ANKRD30A: variants seen among roughly 807,000 people sequenced by gnomAD.
ANKRD30A encodes the protein ankyrin repeat domain 30A.
ANKRD30A carries 170 observed loss-of-function variants against 166.3 expected under a neutral mutation model. The observed-to-expected ratio is 1.02, with a 90% CI of 0.90 to 1.16. The LOEUF is 1.16. Among genes scored for constraint, ANKRD30A ranks in the 50% most tolerant of loss-of-function variants. The pLI is 0.00. For synonymous variants in ANKRD30A, 564 were observed against 508.9 expected (o/e 1.11, Z -1.46); for missense variants, 1,630 against 1,518.0 (o/e 1.07, Z -1.23).
chr10:37,142,568 C>T (rs979102033), intron 7 of ANKRD30A, among the ~76,000 whole-genome samples: 36 of 131,996 alleles, frequency 2.7e-4, no homozygotes, highest in Middle Eastern at 3.9e-3. Context: ...CATAGGATCA[C>T]ACTTTTTTTT....
chr10:37,160,823 G>T lies in ANKRD30A; in HGVS notation c.1901-1826G>T, dbSNP rs187945482. Among the ~76,000 whole-genome samples, 25 of 152,254 alleles carry T rather than the reference G, an allele frequency of 1.6e-4. No homozygotes were observed. The East Asian group carries it at 4.8e-3, about 29-fold the overall frequency. On this transcript the variant is annotated intron_variant, in intron 15 of 35. Transcript: ENST00000361713. ...AAATTCTCCACGGCTTCACATGCTA[G>T]TTCAGAAGATATTGATGCCTTGAGA...
the ANKRD30A span, among the ~76,000 whole-genome samples, chr10:37,240,212 C>A: frequency 6.6e-6 from 1 of 151,960 alleles, no homozygotes; most frequent in African/African-American, 2.4e-5. Context: ...TGTCATGTTC[C>A]ATATATTTAG....
intron 34 of ANKRD30A, among the ~76,000 whole-genome samples, chr10:37,228,536 T>C (rs2132762547): frequency 6.6e-6 from 1 of 152,140 alleles, no homozygotes; most frequent in Non-Finnish European, 1.5e-5. Context: ...TCAGATAACA[T>C]CTGATTTTGA....
intron 1 of ANKRD30A, among the ~76,000 whole-genome samples, chr10:37,128,700 T>C (rs1377339245): frequency 6.6e-6 from 1 of 152,078 alleles, no homozygotes. Flanking sequence ...TTCTATTAAC[T>C]CTCAGGACCC....
chr10:37,250,642 C>G, the ANKRD30A span, among the ~76,000 whole-genome samples: 1 of 152,130 alleles, frequency 6.6e-6, no homozygotes, highest in Admixed American at 6.5e-5. Flanking sequence ...GAGGGCAAAC[C>G]TCTCACAAAT....
chr10:37,242,410 AT>A, the ANKRD30A span, among the ~76,000 whole-genome samples: 1 of 151,964 alleles, frequency 6.6e-6, no homozygotes, highest in African/African-American at 2.4e-5. Flanking sequence ...CTGTCATGTT[AT>A]TTTTTCACTT....
At chr10:37,126,953 G>A (rs1487745620) in intron 1 of ANKRD30A, among the ~76,000 whole-genome samples, 1 of 148,776 alleles carries the variant, frequency 6.7e-6, no homozygotes, top group Admixed American at 6.8e-5. Context: ...AGGCTGAGGC[G>A]GGAGAATCGC....
chr10:37,205,079 C>T (rs1415654651), intron 31 of ANKRD30A, among the ~76,000 whole-genome samples: 2 of 152,098 alleles, frequency 1.3e-5, no homozygotes, highest in African/African-American at 4.8e-5. Flanking sequence ...TACCATTTGA[C>T]CCAGGGATCC....
chr10:37,213,120 A>G (rs1842422826), intron 31 of ANKRD30A, among the ~76,000 whole-genome samples: 1 of 151,688 alleles, frequency 6.6e-6, no homozygotes, highest in Admixed American at 6.6e-5. Context: ...TTTGCGTTTT[A>G]TTCGTTCCAT....
chr10:37,219,610 CACATGTATCAAAACGAACAAGA>C lies in ANKRD30A; in HGVS notation c.3899_3920del (p.His1300LeufsTer3). The C allele has an allele frequency of 6.2e-7, 1 of 1,610,172 alleles. No homozygotes were observed. The highest frequency in any genetic ancestry group is 8.5e-7 in the Non-Finnish European group (1 of 1,177,616). Reference sequence around the variant, plus strand: ...ACAGTGTCAAATGAAGGAAGCTGAACACATGTATCAAAACGAACAAGATAATGTGAACAAACACACTGAACAG... The same window carrying C: ...ACAGTGTCAAATGAAGGAAGCTGAACTAATGTGAACAAACACACTGAACAG... On this transcript the variant is annotated frameshift_variant, in exon 34 of 36. Transcript: ENST00000361713. LOFTEE classifies it high-confidence loss of function.
At chr10:37,160,069 G>A (rs916710255) in intron 15 of ANKRD30A, among the ~76,000 whole-genome samples, 1 of 152,210 alleles carries the variant, frequency 6.6e-6, no homozygotes, top group East Asian at 1.9e-4. Flanking sequence ...TTTGCTTATC[G>A]AATATTTTAG....
chr10:37,218,802 A>G (rs2132740945), intron 33 of ANKRD30A, among the ~76,000 whole-genome samples, 178 bp from the exon 34 acceptor site: 1 of 150,906 alleles, frequency 6.6e-6, no homozygotes, highest in East Asian at 2.0e-4. Context: ...AAATGTTTGA[A>G]CTTTGGGGAA....
chr10:37,178,008 G>T (rs1284804784), intron 24 of ANKRD30A, among the ~76,000 whole-genome samples: 1 of 150,772 alleles, frequency 6.6e-6, no homozygotes, highest in African/African-American at 2.4e-5. Flanking sequence ...GAGAAAATAA[G>T]AAAGAAGAAA....
At chr10:37,212,551 G>A (rs561006066) in intron 31 of ANKRD30A, among the ~76,000 whole-genome samples, 13 of 152,062 alleles carry the variant, frequency 8.5e-5, no homozygotes, top group East Asian at 1.9e-4. Context: ...AAAAGAGCCC[G>A]CATTGTCAAG....
chr10:37,197,539 G>A (rs1320317354), intron 29 of ANKRD30A, 59 bp downstream of exon 29: 1 of 1,608,610 alleles, frequency 6.2e-7, no homozygotes, highest in Non-Finnish European at 8.5e-7. Flanking sequence ...CATTTTGATG[G>A]TCTTTCTATC....
intron 28 of ANKRD30A, 29 bp downstream of exon 28, chr10:37,197,338 T>C: frequency 6.2e-7 from 1 of 1,613,326 alleles, no homozygotes; most frequent in Non-Finnish European, 8.5e-7. Flanking sequence ...TCATTTTGAA[T>C]GACTTATTAA....
At chr10:37,130,679 C>A (rs932825877) in intron 3 of ANKRD30A, among the ~76,000 whole-genome samples, 11 of 151,964 alleles carry the variant, frequency 7.2e-5, no homozygotes, top group Non-Finnish European at 1.5e-4. Flanking sequence ...TAGAGGAAAG[C>A]AAAAATTGCC....
In ANKRD30A at chr10:37,156,849, G is replaced by A. The variant is rs114629396; in HGVS notation, c.1799-1543G>A. Among the ~76,000 whole-genome samples, 730 of 152,188 alleles carry A rather than the reference G, an allele frequency of 4.8e-3. 5 individuals carry two copies. Among genetic ancestry groups the A allele is most frequent in the African/African-American group, 0.017 (686 of 41,526 alleles). ...ATTAAAGCAGGTTTTTATTTAAAGC[G>A]TATTGAATACAAATTTAAGCACTTT... On this transcript the variant is annotated intron_variant, in intron 13 of 35. Coordinates refer to ENST00000361713, the MANE Select transcript of ANKRD30A (RefSeq NM_052997.3).
intron 11 of ANKRD30A, 33 bp from the exon 12 acceptor site, chr10:37,152,026 TG>T: frequency 1.3e-6 from 2 of 1,546,494 alleles, no homozygotes; most frequent in Non-Finnish European, 1.8e-6. Context: ...AGAGAAATGT[TG>T]TCATGAATGT....
Sources: allele counts gnomAD v4.1 joint callset (sites outside exome capture counted in the v4.1 genomes callset), GRCh38; gene constraint gnomAD v4.1.1; transcripts MANE v1.5; gene names NCBI Gene and HGNC (gene_info 2026-07-23, HGNC 2026-07-21).